Variants in DPP6 observed in about 807,000 individuals in gnomAD.
The protein encoded by DPP6 is A-type potassium channel modulatory protein DPP6.
DPP6 carries 69 observed loss-of-function variants against 122.6 expected under a neutral mutation model. The ratio of observed to expected loss-of-function variants is 0.56; its 90% CI spans 0.46 to 0.69. The LOEUF (loss-of-function observed/expected upper bound fraction) is 0.69. Ranked by LOEUF, DPP6 falls within the 30% of genes least tolerant of loss-of-function variation. The probability of loss-of-function intolerance (pLI) is 0.00; values close to 1 mark genes in which losing one functional copy is unlikely to be tolerated. For missense variants in DPP6, 928 were observed against 1,116.9 expected, an observed-to-expected ratio of 0.83 and a Z score of 2.41; for synonymous variants, 418 against 433.1, an observed-to-expected ratio of 0.97 and a Z score of 0.43.
At chr7:154,684,863 G>A (rs922384749) in intron 7 of DPP6, among the ~76,000 whole-genome samples, 1 of 152,216 alleles carries the variant, frequency 6.6e-6, no homozygotes, top group Non-Finnish European at 1.5e-5. Flanking sequence ...TCTACTTCCT[G>A]TAAATCTAAT....
At chr7:154,200,930 T>G (rs1799138287) in intron 1 of DPP6, among the ~76,000 whole-genome samples, 1 of 151,964 alleles carries the variant, frequency 6.6e-6, no homozygotes, top group African/African-American at 2.4e-5. Context: ...CTTCTTAGAA[T>G]TGGTTTCCTT....
intron 1 of DPP6, among the ~76,000 whole-genome samples, chr7:153,995,719 T>A (rs574866282): frequency 2.0e-5 from 3 of 152,064 alleles, no homozygotes; most frequent in East Asian, 3.9e-4. Flanking sequence ...TATCGGCATA[T>A]ATTGGCATAC....
At chr7:153,855,161 C>A in the DPP6 span, among the ~76,000 whole-genome samples, 1 of 148,128 alleles carries the variant, frequency 6.8e-6, no homozygotes, top group Non-Finnish European at 1.5e-5. Flanking sequence ...GTGGGTGCAG[C>A]GCACCAGCAT....
chr7:154,077,267 A>G (rs1190755395), intron 1 of DPP6, among the ~76,000 whole-genome samples: 1 of 152,254 alleles, frequency 6.6e-6, no homozygotes, highest in Non-Finnish European at 1.5e-5. Context: ...CACTAGACAC[A>G]GTACTCCATA....
chr7:153,859,143 A>ATTTTGTT, the DPP6 span, among the ~76,000 whole-genome samples: 20 of 152,146 alleles, frequency 1.3e-4, no homozygotes, highest in Admixed American at 1.3e-3. Context: ...CTGTGCAATA[A>ATTTTGTT]GGGTGTTGGG....
In DPP6 at chr7:154,062,216, T is replaced by G. The variant is rs371143393; in HGVS notation, c.243+9153T>G. On this transcript the variant is annotated intron_variant, in intron 1 of 25. Coordinates refer to ENST00000377770, the MANE Select transcript of DPP6 (RefSeq NM_130797.4). ...GGACCCACCTGGAGGACTGCGGGTG[T>G]TAGGTGTCCAAGTAGAAAGTTCAAA... is the stretch of plus-strand genomic sequence containing the variant. 1.3e-3 allele frequency among the ~76,000 whole-genome samples: 129 copies of G among 98,738 alleles called. 26 individuals are homozygous for G. The highest frequency in any genetic ancestry group is 4.1e-3 in the South Asian group (9 of 2,180). 64.8% of individuals were successfully genotyped at this position (98,738 alleles called of 152,430 possible).
chr7:154,455,118 T>G (rs1433843188), intron 2 of DPP6, among the ~76,000 whole-genome samples: 2 of 152,186 alleles, frequency 1.3e-5, no homozygotes, highest in African/African-American at 4.8e-5. Flanking sequence ...GGCTTCATGC[T>G]TCACTCGCCC....
intron 1 of DPP6, among the ~76,000 whole-genome samples, chr7:154,226,499 A>T (rs1381540336): frequency 2.6e-5 from 4 of 152,216 alleles, no homozygotes; most frequent in African/African-American, 7.2e-5. Flanking sequence ...AGACACAGGG[A>T]TTCTTCGGGG....
the DPP6 span, among the ~76,000 whole-genome samples, chr7:153,809,147 T>C: frequency 6.6e-6 from 1 of 152,098 alleles, no homozygotes; most frequent in Non-Finnish European, 1.5e-5. Flanking sequence ...TGATGATTAG[T>C]GGTGCTGAGC....
chr7:154,275,318 A>G (rs143553582), intron 1 of DPP6, among the ~76,000 whole-genome samples: 214 of 152,240 alleles, frequency 1.4e-3, no homozygotes, highest in Non-Finnish European at 2.2e-3. Flanking sequence ...TCCCCTCCCC[A>G]TGGGTTTCCC....
chr7:154,123,705 TCGCTC>T, intron 1 of DPP6, among the ~76,000 whole-genome samples: 1 of 150,246 alleles, frequency 6.7e-6, no homozygotes, highest in Non-Finnish European at 1.5e-5. Flanking sequence ...AATGTGCCGC[TCGCTC>T]ACGGGGCTTA....
chr7:154,067,779 C>T (rs1802834672), intron 1 of DPP6, among the ~76,000 whole-genome samples: 1 of 152,092 alleles, frequency 6.6e-6, no homozygotes, highest in Non-Finnish European at 1.5e-5. Context: ...AGATCTGGCT[C>T]TGCCACCCAG....
chr7:154,197,473 G>C (rs914798985), intron 1 of DPP6, among the ~76,000 whole-genome samples: 1 of 152,120 alleles, frequency 6.6e-6, no homozygotes, highest in African/African-American at 2.4e-5. Context: ...TATTCAGGTA[G>C]AAGACCTTCC....
intron 7 of DPP6, among the ~76,000 whole-genome samples, chr7:154,712,465 G>A (rs181471113): frequency 6.6e-6 from 1 of 152,282 alleles, no homozygotes; most frequent in African/African-American, 2.4e-5. Context: ...GAATTCCAGT[G>A]TATTAGTCCA....
chr7:154,529,354 C>T (rs1827661129), intron 3 of DPP6, among the ~76,000 whole-genome samples: 1 of 152,178 alleles, frequency 6.6e-6, no homozygotes, highest in East Asian at 1.9e-4. Context: ...ACACTAACAA[C>T]AAAGCTGCTA....
intron 1 of DPP6, among the ~76,000 whole-genome samples, chr7:153,948,093 G>T (rs566354795): frequency 5.3e-5 from 8 of 152,118 alleles, no homozygotes; most frequent in Non-Finnish European, 1.2e-4. Flanking sequence ...CTTCAAATAA[G>T]CTCATATTCT....
At chr7:154,363,712 T>C (rs1811925826) in intron 1 of DPP6, among the ~76,000 whole-genome samples, 1 of 152,238 alleles carries the variant, frequency 6.6e-6, no homozygotes, top group African/African-American at 2.4e-5. Context: ...CTGAATTTAA[T>C]ATAAATGCTT....
At chr7:154,070,971 T>A (rs1803077515) in intron 1 of DPP6, among the ~76,000 whole-genome samples, 1 of 152,182 alleles carries the variant, frequency 6.6e-6, no homozygotes, top group South Asian at 2.1e-4. Context: ...CGCTTGAATA[T>A]AAAACCAATC....
At chr7:153,960,477 A>G (rs975522869) in intron 1 of DPP6, among the ~76,000 whole-genome samples, 6 of 152,072 alleles carry the variant, frequency 3.9e-5, no homozygotes, top group African/African-American at 1.4e-4. Flanking sequence ...ACCTTCCTGC[A>G]AAAGATTAGG....
Sources: gnomAD v4.1 joint callset for allele counts (sites outside exome capture counted in the v4.1 genomes callset) on GRCh38, gnomAD v4.1.1 for gene constraint, MANE v1.5 for transcripts, NCBI Gene and HGNC (gene_info 2026-07-23, HGNC 2026-07-21) for gene names.